BTRC: variants seen among roughly 807,000 people sequenced by gnomAD.
The protein encoded by BTRC is beta-transducin repeat containing E3 ubiquitin protein ligase, also known as F-box/WD repeat-containing protein 1A.
A neutral mutation model predicts 85.5 loss-of-function variants in BTRC; 42 were observed. The ratio of observed to expected loss-of-function variants is 0.49; its 90% CI spans 0.38 to 0.64. BTRC has a LOEUF of 0.64. Among genes scored for constraint, BTRC ranks in the 30% least tolerant of loss-of-function variants. The pLI, the probability that BTRC is intolerant of heterozygous loss-of-function variation, is 0.00. For missense variants in BTRC, 594 were observed against 743.5 expected (o/e 0.80, Z 2.34); for synonymous variants, 255 against 263.3 (o/e 0.97, Z 0.30).
At chr10:101,492,195 T>A (rs796980406) in intron 4 of BTRC, among the ~76,000 whole-genome samples, 52 of 152,288 alleles carry the variant, frequency 3.4e-4, no homozygotes, top group African/African-American at 1.2e-3. Flanking sequence ...TAATCCACAT[T>A]TTCTAGGAGT....
chr10:101,438,385 A>T (rs1242831705), intron 2 of BTRC, among the ~76,000 whole-genome samples: 2 of 137,090 alleles, frequency 1.5e-5, no homozygotes, highest in African/African-American at 2.8e-5. Flanking sequence ...AGATCGCGCC[A>T]CTACACTCCA....
intron 1 of BTRC, 105 bp downstream of exon 1, chr10:101,354,333 C>T (rs1377373970): frequency 6.2e-6 from 8 of 1,289,186 alleles, no homozygotes; most frequent in Non-Finnish European, 6.2e-6. Context: ...GGACCCTGGG[C>T]CGAGGCTGGC....
chr10:101,437,429 A>G (rs1291589701), intron 2 of BTRC, among the ~76,000 whole-genome samples: 1 of 152,234 alleles, frequency 6.6e-6, no homozygotes, highest in Non-Finnish European at 1.5e-5. Context: ...GCACACACAC[A>G]CACGCCCAAA....
At chr10:101,550,308 A>G (rs2134480373) in intron 13 of BTRC, among the ~76,000 whole-genome samples, 1 of 151,632 alleles carries the variant, frequency 6.6e-6, no homozygotes, top group Non-Finnish European at 1.5e-5. Flanking sequence ...TTTTTTAGAC[A>G]GAGTCTCACT....
intron 2 of BTRC, among the ~76,000 whole-genome samples, chr10:101,449,155 G>A (rs530688520): frequency 3.3e-5 from 5 of 151,864 alleles, no homozygotes; most frequent in South Asian, 4.2e-4. Context: ...TTTACGTCTC[G>A]GGATATTAGC....
chr10:101,508,791 G>A (rs1362486813), intron 4 of BTRC, among the ~76,000 whole-genome samples: 2 of 152,048 alleles, frequency 1.3e-5, no homozygotes, highest in Admixed American at 1.3e-4. Context: ...GCAGGCGCCT[G>A]TAGTCCCAGC....
chr10:101,401,553 A>G (rs1216863049), intron 1 of BTRC, among the ~76,000 whole-genome samples: 1 of 152,182 alleles, frequency 6.6e-6, no homozygotes, highest in Admixed American at 6.5e-5. Flanking sequence ...GGGATTAAAA[A>G]CAATTGTTTT....
intron 4 of BTRC, among the ~76,000 whole-genome samples, chr10:101,490,812 A>C (rs1946110347): frequency 6.6e-6 from 1 of 152,142 alleles, no homozygotes; most frequent in African/African-American, 2.4e-5. Flanking sequence ...TAATCCCAGC[A>C]CTTTGGGAGG....
At chr10:101,479,936 CAT>C (rs1945792121) in intron 4 of BTRC, among the ~76,000 whole-genome samples, 1 of 152,146 alleles carries the variant, frequency 6.6e-6, no homozygotes, top group Non-Finnish European at 1.5e-5. Flanking sequence ...TATGTTTAGT[CAT>C]GTGTATGGGC....
chr10:101,422,061 T>C (rs888007321), intron 1 of BTRC, among the ~76,000 whole-genome samples: 1 of 152,216 alleles, frequency 6.6e-6, no homozygotes, highest in Admixed American at 6.5e-5. Context: ...TCTTCCACAA[T>C]GGTTGAACTA....
At chr10:101,532,853 C>T in intron 8 of BTRC, 99 bp from the exon 9 acceptor site, 1 of 991,378 alleles carries the variant, frequency 1.0e-6, no homozygotes, top group Admixed American at 1.9e-5. Flanking sequence ...CTACTCTGGG[C>T]TTTGATTATT....
chr10:101,507,173 C>T (rs887778036), intron 4 of BTRC, among the ~76,000 whole-genome samples: 2 of 152,128 alleles, frequency 1.3e-5, no homozygotes, highest in Admixed American at 6.5e-5. Flanking sequence ...TTTTTCCCAT[C>T]TTGTGAGCAA....
intron 4 of BTRC, among the ~76,000 whole-genome samples, chr10:101,484,032 T>C: frequency 6.6e-6 from 1 of 152,258 alleles, no homozygotes; most frequent in Admixed American, 6.5e-5. Flanking sequence ...ATTGAATTGT[T>C]TGAATACATC....
intron 5 of BTRC, among the ~76,000 whole-genome samples, chr10:101,523,110 A>T (rs924908179): frequency 6.6e-6 from 1 of 152,168 alleles, no homozygotes; most frequent in African/African-American, 2.4e-5. Context: ...AGACTGGGGC[A>T]GGAGAATCGC....
At chr10:101,512,820 C>T (rs2061973780) in intron 4 of BTRC, among the ~76,000 whole-genome samples, 1 of 152,208 alleles carries the variant, frequency 6.6e-6, no homozygotes, top group Admixed American at 6.5e-5. Context: ...CTGACAGCTT[C>T]TTTCTTTCTT....
chr10:101,370,278 C>T (rs943271054), intron 1 of BTRC, among the ~76,000 whole-genome samples: 5 of 151,848 alleles, frequency 3.3e-5, no homozygotes, highest in East Asian at 2.0e-4. Flanking sequence ...CTTGCCACCA[C>T]GCCTGGCTAA....
intron 1 of BTRC, among the ~76,000 whole-genome samples, chr10:101,416,044 C>A (rs919328145): frequency 6.6e-6 from 1 of 152,046 alleles, no homozygotes; most frequent in East Asian, 1.9e-4. Context: ...ATCACACAGC[C>A]GAGAAATCAC....
At chr10:101,473,626 A>G (rs1435449756) in intron 3 of BTRC, among the ~76,000 whole-genome samples, 3 of 151,910 alleles carry the variant, frequency 2.0e-5, no homozygotes, top group African/African-American at 7.3e-5. Context: ...ACTTGCCACC[A>G]TGCCCAGCTA....
chr10:101,551,682 A>G (rs2062652138), intron 14 of BTRC, among the ~76,000 whole-genome samples: 1 of 152,160 alleles, frequency 6.6e-6, no homozygotes. Flanking sequence ...CATGTTCGCT[A>G]CACGTTTCTG....
Sources: allele counts gnomAD v4.1 joint callset (sites outside exome capture counted in the v4.1 genomes callset), GRCh38; gene constraint gnomAD v4.1.1; transcripts MANE v1.5; gene names NCBI Gene and HGNC (gene_info 2026-07-23, HGNC 2026-07-21).